Variants in RPS6KC1 observed in about 807,000 individuals in gnomAD.
RPS6KC1 encodes the protein inactive ribosomal protein S6 kinase delta-1.
RPS6KC1 carries 54 observed loss-of-function variants against 103.8 expected under a neutral mutation model. The ratio of observed to expected loss-of-function variants is 0.52; its 90% confidence interval spans 0.42 to 0.65. The LOEUF is 0.65. RPS6KC1 is among the 30% of genes least tolerant of loss of function. The pLI is 0.00. For missense variants in RPS6KC1, 1,151 were observed against 1,253.8 expected (o/e 0.92, Z 1.24); for synonymous variants, 439 against 438.7 (o/e 1.00, Z -0.01).
the RPS6KC1 span, among the ~76,000 whole-genome samples, chr1:213,700,257 T>C: frequency 6.6e-6 from 1 of 152,038 alleles, no homozygotes; most frequent in African/African-American, 2.4e-5. Flanking sequence ...TCGTTTTGTT[T>C]TTCTGCACAT....
At chr1:213,322,829 C>T in the RPS6KC1 span, among the ~76,000 whole-genome samples, 2 of 151,274 alleles carry the variant, frequency 1.3e-5, no homozygotes, top group African/African-American at 2.4e-5. Flanking sequence ...CTCACTGCAA[C>T]CTCTGCCTCC....
the RPS6KC1 span, chr1:213,428,586 C>CCCTT: frequency 8.7e-6 from 1 of 114,714 alleles, no homozygotes; most frequent in Non-Finnish European, 1.9e-5. Context: ...CTCCCTCCCT[C>CCCTT]CCTTCCTGCC....
At chr1:213,368,957 C>A in the RPS6KC1 span, among the ~76,000 whole-genome samples, 1 of 152,184 alleles carries the variant, frequency 6.6e-6, no homozygotes, top group African/African-American at 2.4e-5. Context: ...CTGAGGCCCA[C>A]CATAGCAAAG....
At chr1:213,626,573 G>A in the RPS6KC1 span, among the ~76,000 whole-genome samples, 1 of 152,182 alleles carries the variant, frequency 6.6e-6, no homozygotes, top group Non-Finnish European at 1.5e-5. Flanking sequence ...TAACATTTAA[G>A]TTTTTAATCC....
chr1:213,773,817 TG>T, the RPS6KC1 span, among the ~76,000 whole-genome samples: 1 of 152,208 alleles, frequency 6.6e-6, no homozygotes, highest in African/African-American at 2.4e-5. Context: ...TAAGGTCAAC[TG>T]ATTGCAGGTC....
chr1:213,342,103 T>C, the RPS6KC1 span, among the ~76,000 whole-genome samples: 4 of 152,226 alleles, frequency 2.6e-5, no homozygotes, highest in Non-Finnish European at 5.9e-5. Context: ...GCTTGGTCAA[T>C]TTCTCACCAA....
the RPS6KC1 span, among the ~76,000 whole-genome samples, chr1:213,301,694 T>TTTACTTACTTAC: frequency 1.5e-5 from 2 of 130,210 alleles, no homozygotes; most frequent in African/African-American, 5.6e-5. Flanking sequence ...GCAAGACCCA[T>TTTACTTACTTAC]TTACTTATTT....
chr1:213,346,950 TAC>T, the RPS6KC1 span, among the ~76,000 whole-genome samples: 1 of 152,126 alleles, frequency 6.6e-6, no homozygotes, highest in Non-Finnish European at 1.5e-5. Flanking sequence ...AGAATAATTT[TAC>T]AGTGATGATA....
chr1:213,602,110 T>TTCTCTCTCTCTCTC, the RPS6KC1 span, among the ~76,000 whole-genome samples: 4 of 39,310 alleles, frequency 1.0e-4, no homozygotes, highest in African/African-American at 4.9e-4. Flanking sequence ...CTTTCTTTCT[T>TTCTCTCTCTCTCTC]TCTTTCTTTC....
chr1:213,729,461 A>G, the RPS6KC1 span, among the ~76,000 whole-genome samples: 5 of 152,126 alleles, frequency 3.3e-5, no homozygotes, highest in African/African-American at 4.8e-5. Context: ...AGCATCATTT[A>G]TTGCTTCCTG....
At chr1:213,111,966 A>G (rs368991338) in intron 4 of RPS6KC1, among the ~76,000 whole-genome samples, 1 of 152,294 alleles carries the variant, frequency 6.6e-6, no homozygotes, top group South Asian at 2.1e-4. Context: ...TGTCGCTCCT[A>G]AAGAGAATAA....
chr1:213,319,827 G>A, the RPS6KC1 span, among the ~76,000 whole-genome samples: 1 of 152,064 alleles, frequency 6.6e-6, no homozygotes, highest in Non-Finnish European at 1.5e-5. Flanking sequence ...TTTAAATCTG[G>A]ATTCTCCTGA....
chr1:213,153,557 A>G (rs1484144359), intron 6 of RPS6KC1, among the ~76,000 whole-genome samples: 8 of 152,054 alleles, frequency 5.3e-5, no homozygotes, highest in Admixed American at 5.2e-4. Flanking sequence ...AAAAGTTATT[A>G]TTTTTCATTG....
the RPS6KC1 span, among the ~76,000 whole-genome samples, chr1:213,309,255 A>G: frequency 1.3e-5 from 2 of 152,228 alleles, no homozygotes; most frequent in Admixed American, 1.3e-4. Context: ...AGATTGCTCC[A>G]CTGCACTCCA....
At chr1:213,357,938 C>G in the RPS6KC1 span, among the ~76,000 whole-genome samples, 1 of 152,060 alleles carries the variant, frequency 6.6e-6, no homozygotes, top group African/African-American at 2.4e-5. Flanking sequence ...TGTGGTCGTT[C>G]TTGATTTGCG....
chr1:213,807,275 G>A, the RPS6KC1 span, among the ~76,000 whole-genome samples: 1 of 152,006 alleles, frequency 6.6e-6, no homozygotes, highest in East Asian at 1.9e-4. Context: ...TGCTCTTCTC[G>A]AGGAGTATGT....
At chr1:213,327,117 C>T in the RPS6KC1 span, among the ~76,000 whole-genome samples, 1 of 149,788 alleles carries the variant, frequency 6.7e-6, no homozygotes, top group South Asian at 2.1e-4. Flanking sequence ...CTCTTGAATG[C>T]TCCTTCACAT....
chr1:213,387,802 G>C, the RPS6KC1 span, among the ~76,000 whole-genome samples: 1 of 152,218 alleles, frequency 6.6e-6, no homozygotes, highest in Non-Finnish European at 1.5e-5. Context: ...TTTTACAGAT[G>C]AGGTGATTTA....
the RPS6KC1 span, among the ~76,000 whole-genome samples, chr1:213,505,870 C>T: frequency 1.3e-5 from 2 of 151,938 alleles, no homozygotes; most frequent in East Asian, 3.9e-4. Flanking sequence ...TCTCTTTATG[C>T]ATGTTTTCTG....
Sources: gnomAD v4.1 joint callset for allele counts (sites outside exome capture counted in the v4.1 genomes callset) on GRCh38, gnomAD v4.1.1 for gene constraint, MANE v1.5 for transcripts, NCBI Gene and HGNC (gene_info 2026-07-23, HGNC 2026-07-21) for gene names.